Variants in HSF2BP observed in about 807,000 individuals in gnomAD.
The protein encoded by HSF2BP is heat shock transcription factor 2 binding protein.
In HSF2BP, 35 loss-of-function variants were observed where a neutral mutation model predicts 35.0. That is an observed-to-expected ratio of 1.00 (90% CI 0.76 to 1.32). HSF2BP has a LOEUF of 1.32. HSF2BP is among the 40% of genes most tolerant of loss of function. The probability of loss-of-function intolerance (pLI) is 0.00; values close to 1 mark genes in which losing one functional copy is unlikely to be tolerated. For synonymous variants in HSF2BP, 114 were observed against 117.4 expected (o/e 0.97, Z 0.18); for missense variants, 326 against 321.7 (o/e 1.01, Z -0.10).
intron 7 of HSF2BP, among the ~76,000 whole-genome samples, chr21:43,611,840 G>A (rs895538479): frequency 1.3e-5 from 2 of 152,192 alleles, no homozygotes; most frequent in Non-Finnish European, 2.9e-5. Context: ...TTCCAGGTGG[G>A]GGACTGAAAA....
chr21:43,652,789 CCA>C (rs2082807330), intron 3 of HSF2BP, among the ~76,000 whole-genome samples: 1 of 152,186 alleles, frequency 6.6e-6, no homozygotes, highest in African/African-American at 2.4e-5. Flanking sequence ...TCTGTTAACA[CCA>C]CGTTTCCTGG....
In HSF2BP at chr21:43,632,064, G is replaced by A. The variant is rs1435220616; in HGVS notation, c.441+1208C>T. On this transcript the variant is annotated intron_variant, in intron 5 of 8. Transcript: ENST00000291560. ...ACACACACGCTCCCCCCCCACACACGCTCCCACATACACACGCTCCCACAC... is the reference window on the plus strand; with the variant it reads ...ACACACACGCTCCCCCCCCACACACACTCCCACATACACACGCTCCCACAC... Among the ~76,000 whole-genome samples the A allele has an allele frequency of 6.7e-3, 42 of 6,230 alleles. 1 individual carries two copies. Among genetic ancestry groups the A allele is most frequent in the African/African-American group, 0.05 (42 of 844 alleles). 4.1% of individuals were successfully genotyped at this position (6,230 alleles called of 152,430 possible). A position where few individuals can be genotyped will look rare whatever the true frequency, so the allele number is the denominator to read the frequency against.
intron 4 of HSF2BP, among the ~76,000 whole-genome samples, chr21:43,637,598 G>C (rs1437886674): frequency 6.6e-6 from 1 of 151,724 alleles, no homozygotes; most frequent in African/African-American, 2.4e-5. Flanking sequence ...ACAAGAGAGA[G>C]AACTTGGAGA....
At chr21:43,653,045 GAATC>G (rs2082811806) in intron 3 of HSF2BP, among the ~76,000 whole-genome samples, 1 of 152,044 alleles carries the variant, frequency 6.6e-6, no homozygotes, top group African/African-American at 2.4e-5. Flanking sequence ...TGAGGCAAGA[GAATC>G]GCTTGAACCC....
intron 6 of HSF2BP, among the ~76,000 whole-genome samples, chr21:43,625,155 C>A (rs2082374098): frequency 6.6e-6 from 1 of 152,122 alleles, no homozygotes; most frequent in Non-Finnish European, 1.5e-5. Context: ...GTAACAGCTA[C>A]CCCATTCTTT....
intron 4 of HSF2BP, among the ~76,000 whole-genome samples, chr21:43,637,166 T>A (rs754468878): frequency 6.6e-6 from 1 of 152,186 alleles, no homozygotes; most frequent in Non-Finnish European, 1.5e-5. Context: ...ACAATCTAAA[T>A]GCCCATCAAC....
intron 8 of HSF2BP, among the ~76,000 whole-genome samples, chr21:43,586,994 G>T (rs2081859421): frequency 6.6e-6 from 1 of 151,930 alleles, no homozygotes; most frequent in South Asian, 2.1e-4. Context: ...AAAACCAAAG[G>T]AATAGAAGAA....
intron 6 of HSF2BP, among the ~76,000 whole-genome samples, chr21:43,625,967 C>T (rs59801240): frequency 0.2 from 30,313 of 152,164 alleles, 3,932 homozygotes; most frequent in East Asian, 0.47. Context: ...ATAGGTCATA[C>T]GCCTTTGGGG....
intron 3 of HSF2BP, among the ~76,000 whole-genome samples, chr21:43,656,334 T>C (rs566968419): frequency 5.9e-5 from 9 of 152,336 alleles, no homozygotes; most frequent in African/African-American, 2.2e-4. Flanking sequence ...AAAATTCTTC[T>C]GCCAATGAAG....
Position 43,579,275 on chromosome 21 carries a change from G to A in HSF2BP, c.796+12950C>T, listed in dbSNP as rs538220410. On this transcript the variant is annotated intron_variant, in intron 8 of 8. Transcript: ENST00000291560. ...ATCAATGAGTTAATGAAGAACATTCGACGACATCTTTTCTTAAAGAATAAT... is the reference window on the plus strand; with the variant it reads ...ATCAATGAGTTAATGAAGAACATTCAACGACATCTTTTCTTAAAGAATAAT... Among the ~76,000 whole-genome samples the A allele has an allele frequency of 1.7e-4, 26 of 152,244 alleles. No individual in the cohort carries two copies. The South Asian group carries it at 2.9e-3, about 17-fold the overall frequency.
chr21:43,596,286 A>G (rs957119927), intron 7 of HSF2BP, among the ~76,000 whole-genome samples: 2 of 152,192 alleles, frequency 1.3e-5, no homozygotes, highest in Non-Finnish European at 2.9e-5. Context: ...TAGAAAACTG[A>G]AAGTACATCT....
intron 7 of HSF2BP, among the ~76,000 whole-genome samples, chr21:43,603,124 T>C (rs763495535): frequency 1.3e-5 from 2 of 151,930 alleles, no homozygotes; most frequent in African/African-American, 2.4e-5. Context: ...ATAAAAAAAA[T>C]AATAATTGCA....
intron 4 of HSF2BP, 128 bp downstream of exon 4, chr21:43,644,161 T>G: frequency 3.1e-6 from 2 of 644,220 alleles, no homozygotes; most frequent in South Asian, 1.9e-5. Flanking sequence ...TCAGAATACA[T>G]ACATTTACAA....
intron 6 of HSF2BP, among the ~76,000 whole-genome samples, chr21:43,622,713 C>T (rs1286101607): frequency 1.3e-5 from 2 of 151,986 alleles, no homozygotes; most frequent in African/African-American, 4.8e-5. Flanking sequence ...GACTGCAGTA[C>T]AATAACAGTA....
chr21:43,577,875 G>A (rs2081663700), intron 8 of HSF2BP, among the ~76,000 whole-genome samples: 1 of 152,122 alleles, frequency 6.6e-6, no homozygotes. Context: ...TGGACTCTGT[G>A]ATATTCCCCT....
At chr21:43,649,440 A>G (rs1288208530) in intron 3 of HSF2BP, among the ~76,000 whole-genome samples, 1 of 152,020 alleles carries the variant, frequency 6.6e-6, no homozygotes, top group Non-Finnish European at 1.5e-5. Flanking sequence ...CTCAAAAAAA[A>G]AGAAAGAAAA....
chr21:43,604,900 T>TCA (rs1167525986), intron 7 of HSF2BP, among the ~76,000 whole-genome samples: 2 of 83,852 alleles, frequency 2.4e-5, no homozygotes, highest in South Asian at 4.4e-4. Context: ...ACCACACACA[T>TCA]CACACACACA....
chr21:43,496,331 CAAG>C, the HSF2BP span, among the ~76,000 whole-genome samples: 3 of 64,280 alleles, frequency 4.7e-5, no homozygotes, highest in African/African-American at 1.9e-4. Context: ...AGAAATTAAA[CAAG>C]GAGGTGAACG....
At chr21:43,579,311 T>A (rs1175170382) in intron 8 of HSF2BP, among the ~76,000 whole-genome samples, 1 of 152,230 alleles carries the variant, frequency 6.6e-6, no homozygotes, top group Non-Finnish European at 1.5e-5. Context: ...GAAGAATTCA[T>A]GCAGAGTTAT....
Sources: gnomAD v4.1 joint callset for allele counts (sites outside exome capture counted in the v4.1 genomes callset) on GRCh38, gnomAD v4.1.1 for gene constraint, MANE v1.5 for transcripts, NCBI Gene and HGNC (gene_info 2026-07-23, HGNC 2026-07-21) for gene names.